Variants in TBX15 observed in about 807,000 individuals in gnomAD.
TBX15 encodes T-box transcription factor TBX15.
TBX15 carries 18 observed loss-of-function variants against 53.9 expected under a neutral mutation model. The ratio of observed to expected loss-of-function variants is 0.33; its 90% confidence interval spans 0.23 to 0.49. The LOEUF (loss-of-function observed/expected upper bound fraction) is 0.49, where lower values mean the gene tolerates loss of function less well. TBX15 is among the 20% of genes least tolerant of loss of function. The probability of loss-of-function intolerance (pLI) is 0.98; values close to 1 mark genes in which losing one functional copy is unlikely to be tolerated. For synonymous variants in TBX15, 295 were observed against 278.0 expected, an observed-to-expected ratio of 1.06 and a Z score of -0.61; for missense variants, 692 against 749.5, an observed-to-expected ratio of 0.92 and a Z score of 0.90.
chr1:118,946,647 G>C (rs1006810714), intron 1 of TBX15, among the ~76,000 whole-genome samples: 1 of 152,118 alleles, frequency 6.6e-6, no homozygotes, highest in African/African-American at 2.4e-5. Flanking sequence ...ATTATGAAGA[G>C]GAAGGGATTG....
At chr1:118,889,469 A>G (rs1654062971) in intron 7 of TBX15, among the ~76,000 whole-genome samples, 2 of 152,212 alleles carry the variant, frequency 1.3e-5, no homozygotes, top group African/African-American at 2.4e-5. Context: ...ATACTGATAC[A>G]GGAGGGTCAG....
intron 6 of TBX15, among the ~76,000 whole-genome samples, chr1:118,905,411 G>A (rs988168298): frequency 6.6e-6 from 1 of 152,196 alleles, no homozygotes; most frequent in Non-Finnish European, 1.5e-5. Context: ...AGAGGACAAT[G>A]GTGGAAAAGG....
chr1:118,891,740 G>A (rs1023635012), intron 7 of TBX15, among the ~76,000 whole-genome samples: 1 of 152,112 alleles, frequency 6.6e-6, no homozygotes, highest in African/African-American at 2.4e-5. Context: ...TATACCATGG[G>A]GAAACTGAGA....
intron 7 of TBX15, among the ~76,000 whole-genome samples, chr1:118,895,256 A>G (rs573860880): frequency 6.6e-6 from 1 of 152,190 alleles, no homozygotes; most frequent in African/African-American, 2.4e-5. Flanking sequence ...ATGTCCACCA[A>G]CTCTCTTGGG....
chr1:118,918,660 G>C (rs1482135041), intron 5 of TBX15, among the ~76,000 whole-genome samples: 1 of 152,144 alleles, frequency 6.6e-6, no homozygotes, highest in Non-Finnish European at 1.5e-5. Flanking sequence ...AATTTGTGTA[G>C]TTTGAATTAT....
At chr1:118,982,545 C>T (rs562812621) in intron 1 of TBX15, among the ~76,000 whole-genome samples, 1 of 152,208 alleles carries the variant, frequency 6.6e-6, no homozygotes, top group African/African-American at 2.4e-5. Flanking sequence ...TGTTTACACT[C>T]ATGAAGCACA....
At chr1:118,916,865 C>T (rs1655245352) in intron 5 of TBX15, among the ~76,000 whole-genome samples, 1 of 149,294 alleles carries the variant, frequency 6.7e-6, no homozygotes, top group South Asian at 2.1e-4. Context: ...GACTCTGTCT[C>T]CAAAAAAAAT....
At chr1:118,890,608 G>A (rs575611186) in intron 7 of TBX15, among the ~76,000 whole-genome samples, 4 of 152,270 alleles carry the variant, frequency 2.6e-5, no homozygotes, top group African/African-American at 9.6e-5. Flanking sequence ...CAGTAATTCC[G>A]TATGAGGACA....
intron 1 of TBX15, among the ~76,000 whole-genome samples, chr1:118,945,597 G>T (rs1353005074): frequency 6.6e-6 from 1 of 152,150 alleles, no homozygotes; most frequent in Non-Finnish European, 1.5e-5. Flanking sequence ...TCAACGTTTG[G>T]CCTCTCCCAT....
intron 6 of TBX15, among the ~76,000 whole-genome samples, chr1:118,911,855 T>C (rs530956484): frequency 2.1e-4 from 32 of 152,334 alleles, no homozygotes; most frequent in Non-Finnish European, 4.3e-4. Context: ...TTTTGCAACA[T>C]TCATGGCATC....
chr1:118,884,698 A>G lies in TBX15; in HGVS notation c.*34T>C. ...TGACCACGGAGACTCTGGGGCCTTGATTGCCAAATGCTCCGTGGTGTTTGG... is the reference window on the plus strand; with the variant it reads ...TGACCACGGAGACTCTGGGGCCTTGGTTGCCAAATGCTCCGTGGTGTTTGG... On this transcript the variant is annotated 3_prime_UTR_variant, in exon 8 of 8. Coordinates refer to ENST00000369429, the MANE Select transcript of TBX15 (RefSeq NM_001330677.2). 1.2e-6 allele frequency: 2 copies of G among 1,611,846 alleles called. No individual in the cohort carries two copies. Among genetic ancestry groups the G allele is most frequent in the Non-Finnish European group, 1.7e-6 (2 of 1,179,236 alleles).
At chr1:118,941,810 T>G (rs1369815270) in intron 1 of TBX15, among the ~76,000 whole-genome samples, 2 of 152,168 alleles carry the variant, frequency 1.3e-5, no homozygotes, top group African/African-American at 4.8e-5. Context: ...CACAGCATGC[T>G]GGGGCTTAGG....
At chr1:118,954,557 T>A (rs906605851) in intron 1 of TBX15, among the ~76,000 whole-genome samples, 7 of 152,150 alleles carry the variant, frequency 4.6e-5, no homozygotes, top group African/African-American at 1.7e-4. Flanking sequence ...AAGGAAGAGA[T>A]CCTGATTCAG....
At chr1:118,973,992 T>C (rs572117094) in intron 1 of TBX15, among the ~76,000 whole-genome samples, 27 of 152,182 alleles carry the variant, frequency 1.8e-4, no homozygotes, top group Non-Finnish European at 3.5e-4. Context: ...AGGATTAATG[T>C]TGGTCATGCA....
At chr1:118,915,607 T>C (rs1655192501) in intron 5 of TBX15, among the ~76,000 whole-genome samples, 1 of 152,230 alleles carries the variant, frequency 6.6e-6, no homozygotes, top group African/African-American at 2.4e-5. Context: ...GTCTGCCATA[T>C]GAATACTGTA....
At chr1:118,943,297 A>C (rs1020548344) in intron 1 of TBX15, among the ~76,000 whole-genome samples, 2 of 152,226 alleles carry the variant, frequency 1.3e-5, no homozygotes, top group Non-Finnish European at 2.9e-5. Context: ...AAAATATAGA[A>C]TGGGAAAAGA....
intron 1 of TBX15, 62 bp downstream of exon 1, chr1:118,987,529 G>C: frequency 6.6e-7 from 1 of 1,504,244 alleles, no homozygotes; most frequent in Non-Finnish European, 8.8e-7. Flanking sequence ...CCCGCGACCG[G>C]CGACTGGCCC....
At chr1:118,939,327 A>C (rs1307927828) in intron 1 of TBX15, among the ~76,000 whole-genome samples, 14 of 143,666 alleles carry the variant, frequency 9.7e-5, no homozygotes, top group Non-Finnish European at 1.5e-5. Context: ...GGATCACCTG[A>C]GCCTGGGAAG....
rs1657913122 is a variant in TBX15 at position 118,988,278 on chromosome 1, T to C, written c.-483A>G. On this transcript the variant is annotated 5_prime_UTR_variant, in exon 1 of 8. Transcript: ENST00000369429. ...GAAACTTTTTTTTCCGCTAAATTCC[T>C]CCCTTCCCGAGGAACAGGGGGCAGG... 6.4e-6 allele frequency: 1 copy of C among 155,190 alleles called. No homozygotes were observed. The highest frequency in any genetic ancestry group is 1.4e-5 in the Non-Finnish European group (1 of 70,492). 9.6% of individuals were successfully genotyped at this position (155,190 alleles called of 1,614,324 possible).
Sources: gnomAD v4.1 joint callset for allele counts (sites outside exome capture counted in the v4.1 genomes callset) on GRCh38, gnomAD v4.1.1 for gene constraint, MANE v1.5 for transcripts, NCBI Gene and HGNC (gene_info 2026-07-23, HGNC 2026-07-21) for gene names.